IGSF11: variants seen among roughly 807,000 people sequenced by gnomAD.
IGSF11 encodes the protein CXADR like 1.
IGSF11 carries 22 observed loss-of-function variants against 41.0 expected under a neutral mutation model. The observed-to-expected ratio is 0.54, with a 90% confidence interval of 0.38 to 0.77. The LOEUF is 0.77. Among genes scored for constraint, IGSF11 ranks in the 30% least tolerant of loss-of-function variants. The pLI, the probability that IGSF11 is intolerant of heterozygous loss-of-function variation, is 0.00. For synonymous variants in IGSF11, 219 were observed against 201.3 expected (o/e 1.09, Z -0.74); for missense variants, 444 against 530.8 (o/e 0.84, Z 1.61).
intron 1 of IGSF11, among the ~76,000 whole-genome samples, chr3:119,022,398 T>G (rs1379476345): frequency 1.3e-5 from 2 of 152,230 alleles, no homozygotes. Flanking sequence ...AATCATATAC[T>G]TAAAATGGTT....
chr3:118,980,783 T>G (rs2107635281), intron 1 of IGSF11, among the ~76,000 whole-genome samples: 1 of 152,366 alleles, frequency 6.6e-6, no homozygotes, highest in Admixed American at 6.5e-5. Flanking sequence ...GAATTTCATG[T>G]ATGCTCCATT....
At position 118,991,806 on chromosome 3, in the gene IGSF11, T is replaced by A. The variant is rs1023035418; in HGVS notation, c.52+42725A>T. On this transcript the variant is annotated intron_variant, in intron 1 of 6. Transcript: ENST00000393775. ...ACCATCTGCAAGACACTATTGGGAA[T>A]CAATGGAAAACAAAAAGATCTAATT... 3.3e-5 allele frequency among the ~76,000 whole-genome samples: 5 copies of A among 152,202 alleles called. 1 individual carries two copies. The highest frequency in any genetic ancestry group is 1.9e-4 in the East Asian group (1 of 5,178).
intron 1 of IGSF11, among the ~76,000 whole-genome samples, chr3:118,999,162 T>C (rs1052109015): frequency 6.6e-6 from 1 of 151,936 alleles, no homozygotes; most frequent in Non-Finnish European, 1.5e-5. Flanking sequence ...ATCGAGTGAA[T>C]GGGGCCAGGA....
At chr3:118,942,107 C>G (rs994179364) in intron 1 of IGSF11, among the ~76,000 whole-genome samples, 7 of 152,096 alleles carry the variant, frequency 4.6e-5, no homozygotes, top group Admixed American at 1.3e-4. Flanking sequence ...AACTATATAC[C>G]TAGACAGAGG....
chr3:119,103,435 G>A (rs1284055646), intron 1 of IGSF11, among the ~76,000 whole-genome samples: 1 of 150,344 alleles, frequency 6.7e-6, no homozygotes, highest in African/African-American at 2.5e-5. Context: ...TTTGACTACT[G>A]CTCATGTTTG....
intron 1 of IGSF11, among the ~76,000 whole-genome samples, chr3:118,943,674 T>C (rs114476198): frequency 5.8e-4 from 89 of 152,360 alleles, no homozygotes; most frequent in African/African-American, 2.0e-3. Flanking sequence ...TTTTCTTTCC[T>C]GTATACAGAA....
intron 1 of IGSF11, among the ~76,000 whole-genome samples, chr3:118,968,110 AT>A (rs1945808287): frequency 6.6e-6 from 1 of 152,238 alleles, no homozygotes; most frequent in African/African-American, 2.4e-5. Context: ...CATCAGATGC[AT>A]TATATATTTT....
Position 119,034,709 on chromosome 3 carries a change from C to G in IGSF11, c.-127G>C. ...CCACACCCAGCGCCGGGCCGCTGTT[C>G]CCCGCGCAGAGCTGGGACTGTCAGA... is the stretch of plus-strand genomic sequence containing the variant. On this transcript the variant is annotated 5_prime_UTR_variant, in exon 1 of 7. Transcript: ENST00000393775. The G allele has an allele frequency of 1.4e-6, 2 of 1,385,116 alleles. No individual in the cohort carries two copies. Among genetic ancestry groups the G allele is most frequent in the Non-Finnish European group, 1.9e-6 (2 of 1,064,568 alleles). 85.8% of individuals were successfully genotyped at this position (1,385,116 alleles called of 1,614,324 possible). A position where few individuals can be genotyped will look rare whatever the true frequency, so the allele number is the denominator to read the frequency against.
chr3:119,074,570 T>A (rs541278383), intron 1 of IGSF11, among the ~76,000 whole-genome samples: 1 of 150,486 alleles, frequency 6.6e-6, no homozygotes, highest in East Asian at 1.9e-4. Flanking sequence ...TAGAAAGATC[T>A]GGGCCAGGCA....
chr3:118,942,818 C>G (rs1011643857), intron 1 of IGSF11, among the ~76,000 whole-genome samples: 2 of 152,238 alleles, frequency 1.3e-5, no homozygotes, highest in Admixed American at 1.3e-4. Flanking sequence ...GACCAACAGG[C>G]TTCCTGTCTC....
At chr3:119,110,719 C>G (rs939392188) in intron 1 of IGSF11, among the ~76,000 whole-genome samples, 1 of 152,104 alleles carries the variant, frequency 6.6e-6, no homozygotes, top group South Asian at 2.1e-4. Context: ...GATTTTGCAG[C>G]GGCTGGTACC....
At chr3:118,973,669 A>G (rs1933711361) in intron 1 of IGSF11, among the ~76,000 whole-genome samples, 1 of 152,238 alleles carries the variant, frequency 6.6e-6, no homozygotes, top group African/African-American at 2.4e-5. Context: ...ATAACAGAAA[A>G]TAAGTGGTAG....
At chr3:119,111,236 C>T (rs1253669325) in intron 1 of IGSF11, among the ~76,000 whole-genome samples, 3 of 151,984 alleles carry the variant, frequency 2.0e-5, no homozygotes, top group East Asian at 3.9e-4. Context: ...ACCAATCAGA[C>T]GTAGATTTGG....
intron 1 of IGSF11, among the ~76,000 whole-genome samples, chr3:119,075,349 CA>C (rs575949928): frequency 2.0e-3 from 300 of 151,996 alleles, no homozygotes; most frequent in African/African-American, 6.5e-3. Flanking sequence ...ACCTACCAAG[CA>C]GAAAAAATGC....
intron 1 of IGSF11, among the ~76,000 whole-genome samples, chr3:119,016,176 C>G (rs1938662789): frequency 6.6e-6 from 1 of 152,200 alleles, no homozygotes; most frequent in South Asian, 2.1e-4. Flanking sequence ...GGGTGTCACA[C>G]TGGGCTGTGG....
At chr3:119,140,552 T>C (rs1178582749) in intron 1 of IGSF11, among the ~76,000 whole-genome samples, 3 of 152,152 alleles carry the variant, frequency 2.0e-5, no homozygotes, top group Non-Finnish European at 4.4e-5. Flanking sequence ...CTTTCAATAA[T>C]AGAATCAACT....
intron 4 of IGSF11, among the ~76,000 whole-genome samples, chr3:118,914,130 A>G (rs933986766): frequency 5.3e-5 from 8 of 152,216 alleles, no homozygotes; most frequent in South Asian, 2.1e-4. Flanking sequence ...GAAGAGAAAT[A>G]CACTTATAAC....
chr3:119,054,337 G>GA (rs1188206273), intron 1 of IGSF11, among the ~76,000 whole-genome samples: 4 of 151,530 alleles, frequency 2.6e-5, no homozygotes, highest in African/African-American at 9.7e-5. Context: ...AAATCAGCAA[G>GA]AAAAAGACAA....
intron 1 of IGSF11, among the ~76,000 whole-genome samples, chr3:118,953,743 G>A (rs531512911): frequency 1.3e-5 from 2 of 151,982 alleles, no homozygotes; most frequent in African/African-American, 4.8e-5. Context: ...CTTTTTGGTT[G>A]GATAGTTTGT....
Sources: gnomAD v4.1 joint callset for allele counts (sites outside exome capture counted in the v4.1 genomes callset) on GRCh38, gnomAD v4.1.1 for gene constraint, MANE v1.5 for transcripts, NCBI Gene and HGNC (gene_info 2026-07-23, HGNC 2026-07-21) for gene names.